Variants in VSTM2L observed in about 807,000 individuals in gnomAD.
The protein encoded by VSTM2L is V-set and transmembrane domain-containing protein 2-like protein.
Under a neutral mutation model 19.9 loss-of-function variants are expected in VSTM2L, and 9 were observed. The ratio of observed to expected loss-of-function variants is 0.45; its 90% CI spans 0.27 to 0.79. VSTM2L has a LOEUF of 0.79. VSTM2L is among the 30% of genes least tolerant of loss of function. The pLI is 0.15. For missense variants in VSTM2L, 286 were observed against 295.5 expected, an observed-to-expected ratio of 0.97 and a Z score of 0.24; for synonymous variants, 127 against 133.8, an observed-to-expected ratio of 0.95 and a Z score of 0.35.
intron 1 of VSTM2L, among the ~76,000 whole-genome samples, chr20:37,918,573 G>A (rs968950593): frequency 5.3e-5 from 8 of 152,186 alleles, no homozygotes; most frequent in African/African-American, 1.9e-4. Context: ...ATTTATGGCG[G>A]TAATAAAAGT....
At chr20:37,916,775 T>C (rs2072821065) in intron 1 of VSTM2L, among the ~76,000 whole-genome samples, 1 of 152,188 alleles carries the variant, frequency 6.6e-6, no homozygotes, top group East Asian at 1.9e-4. Flanking sequence ...TGTGCGACAA[T>C]GGTAGATGAA....
In VSTM2L at chr20:37,944,811, G is replaced by A. The variant is rs1269334069; in HGVS notation, c.*558G>A. ...TGCAGGGTCACTCATGGAGGCCTAG[G>A]GGAACAGCGAGATGCCCCACCACCT... On this transcript the variant is annotated 3_prime_UTR_variant, in exon 4 of 4. Coordinates refer to ENST00000373461, the MANE Select transcript of VSTM2L (RefSeq NM_080607.3). 2 of 986,112 alleles carry A rather than the reference G, an allele frequency of 2.0e-6. No individual in the cohort carries two copies. The highest frequency in any genetic ancestry group is 5.2e-4 in the Middle Eastern group (1 of 1,916). 61.1% of individuals were successfully genotyped at this position (986,112 alleles called of 1,614,324 possible).
intron 1 of VSTM2L, among the ~76,000 whole-genome samples, chr20:37,917,309 T>A (rs1410726055): frequency 2.0e-5 from 3 of 151,792 alleles, no homozygotes; most frequent in African/African-American, 7.3e-5. Context: ...TGTGAGACTC[T>A]GTCTCAAAAA....
intron 1 of VSTM2L, among the ~76,000 whole-genome samples, chr20:37,921,838 C>CTTTTTTTTTTT (rs756122087): frequency 1.4e-4 from 13 of 91,782 alleles, no homozygotes; most frequent in African/African-American, 5.7e-4. Context: ...CTTTCTTTTC[C>CTTTTTTTTTTT]TTTTTTTTTT....
chr20:37,923,706 G>GCTCA (rs2072864828), intron 1 of VSTM2L, among the ~76,000 whole-genome samples: 1 of 152,144 alleles, frequency 6.6e-6, no homozygotes, highest in Non-Finnish European at 1.5e-5. Flanking sequence ...CAGCAGTGAT[G>GCTCA]CTCACATGGG....
intron 1 of VSTM2L, among the ~76,000 whole-genome samples, chr20:37,920,427 G>A (rs1488999371): frequency 6.6e-6 from 1 of 152,250 alleles, no homozygotes; most frequent in African/African-American, 2.4e-5. Flanking sequence ...GGAGCTACTG[G>A]CGAAGCAGCC....
intron 1 of VSTM2L, among the ~76,000 whole-genome samples, chr20:37,913,587 A>T (rs1376271662): frequency 6.6e-6 from 1 of 152,220 alleles, no homozygotes; most frequent in Non-Finnish European, 1.5e-5. Flanking sequence ...GTGCATAGGC[A>T]GGTGGGCCAA....
intron 1 of VSTM2L, 21 bp downstream of exon 1, chr20:37,903,492 C>T (rs1286526390): frequency 2.1e-6 from 3 of 1,463,406 alleles, no homozygotes; most frequent in African/African-American, 1.5e-5. Flanking sequence ...TCGCCGCCCC[C>T]GCGGACTTCC....
chr20:37,928,292 C>G (rs2072889561), intron 1 of VSTM2L, among the ~76,000 whole-genome samples: 1 of 152,312 alleles, frequency 6.6e-6, no homozygotes, highest in Admixed American at 6.5e-5. Flanking sequence ...TTCGGCTCTT[C>G]CCGTGCAGGC....
intron 3 of VSTM2L, among the ~76,000 whole-genome samples, chr20:37,934,767 CAG>C (rs2072930177): frequency 6.6e-6 from 1 of 152,020 alleles, no homozygotes; most frequent in African/African-American, 2.4e-5. Context: ...ATCATGGAGG[CAG>C]AGAGGCCAGG....
Position 37,939,678 on chromosome 20 carries a change from G to C in VSTM2L, c.343-4303G>C, listed in dbSNP as rs372123973. On this transcript the variant is annotated intron_variant, in intron 3 of 3. Transcript: ENST00000373461. ...TGGAAGTTCACTCGCTGAGTTGCTT[G>C]ATTATGGGTTAGGGGTCTAGGTTCT... Among the ~76,000 whole-genome samples, 4 of 152,174 alleles carry C rather than the reference G, an allele frequency of 2.6e-5. No individual in the cohort carries two copies. The East Asian group carries it at 7.7e-4, about 29-fold the overall frequency.
intron 1 of VSTM2L, among the ~76,000 whole-genome samples, chr20:37,924,065 T>C (rs1419181110): frequency 6.6e-6 from 1 of 151,978 alleles, no homozygotes; most frequent in Non-Finnish European, 1.5e-5. Context: ...AGCGAGACCC[T>C]GTCTCTACAA....
rs137912463 is a variant in VSTM2L, at chr20:37,932,367, C to T, written c.291+563C>T. 1.1e-3 allele frequency among the ~76,000 whole-genome samples: 173 copies of T among 152,200 alleles called. No homozygotes were observed. In the Middle Eastern group the frequency reaches 0.017, roughly 15 times the overall value. ...GCTCTGCCCCATGCCTGGTGTGCAG[C>T]GTGCTCTGGGACCAGCCAACTGCCA... On this transcript the variant is annotated intron_variant, in intron 2 of 3. Transcript: ENST00000373461.
Position 37,933,592 on chromosome 20 carries a change from G to A in VSTM2L, c.342+3G>A. ...GGAAGGAGGCAACCAAAATAAGTGTGAGTTTTGATAATGACTTCTCGAAAG... is the reference window on the plus strand; with the variant it reads ...GGAAGGAGGCAACCAAAATAAGTGTAAGTTTTGATAATGACTTCTCGAAAG... On this transcript the variant is annotated splice_donor_region_variant and intron_variant, in intron 3 of 3. Transcript: ENST00000373461. 6.2e-7 allele frequency: 1 copy of A among 1,613,692 alleles called. No homozygotes were observed. The highest frequency in any genetic ancestry group is 8.5e-7 in the Non-Finnish European group (1 of 1,179,912).
At chr20:37,915,477 G>T (rs2072813104) in intron 1 of VSTM2L, among the ~76,000 whole-genome samples, 1 of 152,106 alleles carries the variant, frequency 6.6e-6, no homozygotes. Flanking sequence ...TTCAAGTAGA[G>T]CCAGGCTACG....
intron 1 of VSTM2L, among the ~76,000 whole-genome samples, chr20:37,908,758 G>A (rs984039414): frequency 1.3e-5 from 2 of 152,184 alleles, no homozygotes; most frequent in East Asian, 1.9e-4. Context: ...AGCTGAGATC[G>A]TGCCACTGCA....
chr20:37,916,591 T>C (rs2072819829), intron 1 of VSTM2L, among the ~76,000 whole-genome samples: 1 of 152,254 alleles, frequency 6.6e-6, no homozygotes. Flanking sequence ...CTCAGCTATG[T>C]CGGGGTGTCT....
At chr20:37,915,783 G>C (rs2072815075) in intron 1 of VSTM2L, among the ~76,000 whole-genome samples, 1 of 151,948 alleles carries the variant, frequency 6.6e-6, no homozygotes, top group African/African-American at 2.4e-5. Context: ...AGGTTTGACC[G>C]AGGCCAGGTT....
At chr20:37,917,349 G>A (rs1359100522) in intron 1 of VSTM2L, among the ~76,000 whole-genome samples, 1 of 152,068 alleles carries the variant, frequency 6.6e-6, no homozygotes, top group African/African-American at 2.4e-5. Context: ...AAAAATGTTA[G>A]CTATTTAAAT....
Sources: allele counts gnomAD v4.1 joint callset (sites outside exome capture counted in the v4.1 genomes callset), GRCh38; gene constraint gnomAD v4.1.1; transcripts MANE v1.5; gene names NCBI Gene and HGNC (gene_info 2026-07-23, HGNC 2026-07-21).